The following ANO2 variants were observed in gnomAD, a reference collection of about 807,000 sequenced individuals.
The protein encoded by ANO2 is anoctamin 2.
A neutral mutation model predicts 124.2 loss-of-function variants in ANO2; 101 were observed. The observed-to-expected ratio is 0.81, with a 90% CI of 0.69 to 0.96. The LOEUF (loss-of-function observed/expected upper bound fraction) is 0.96, where lower values mean the gene tolerates loss of function less well. ANO2 is among the 40% of genes least tolerant of loss of function. The probability of loss-of-function intolerance (pLI) is 0.00; values close to 1 mark genes in which losing one functional copy is unlikely to be tolerated. For missense variants in ANO2, 1,293 were observed against 1,274.5 expected (o/e 1.01, Z -0.22); for synonymous variants, 486 against 482.5 (o/e 1.01, Z -0.09).
chr12:5,653,411 T>C (rs760792460), intron 14 of ANO2, among the ~76,000 whole-genome samples: 3 of 152,244 alleles, frequency 2.0e-5, no homozygotes, highest in Non-Finnish European at 4.4e-5. Flanking sequence ...TCATTCCGTC[T>C]CCACCTCTTT....
intron 11 of ANO2, among the ~76,000 whole-genome samples, chr12:5,749,965 C>T (rs1366347414): frequency 3.3e-5 from 5 of 150,454 alleles, no homozygotes; most frequent in East Asian, 1.9e-4. Context: ...CTTGCTCTTT[C>T]GCCCAGGCTA....
At chr12:5,570,938 T>A (rs58399805) in intron 23 of ANO2, among the ~76,000 whole-genome samples, 14,407 of 151,540 alleles carry the variant, frequency 0.095, 772 homozygotes, top group Middle Eastern at 0.15. Flanking sequence ...TTGATAAGAA[T>A]CAGGAAATGT....
chr12:5,676,045 A>G (rs1048703927), intron 14 of ANO2, among the ~76,000 whole-genome samples: 3 of 152,136 alleles, frequency 2.0e-5, no homozygotes, highest in African/African-American at 7.2e-5. Flanking sequence ...TCTGGGCACC[A>G]CTTTGTTCCC....
intron 4 of ANO2, among the ~76,000 whole-genome samples, chr12:5,835,316 T>C (rs1033475305): frequency 8.5e-5 from 13 of 152,064 alleles, no homozygotes; most frequent in African/African-American, 3.1e-4. Context: ...TCCATGAAAC[T>C]CAGTTGGGGC....
intron 4 of ANO2, among the ~76,000 whole-genome samples, chr12:5,843,630 C>A (rs963868460): frequency 6.6e-6 from 1 of 152,002 alleles, no homozygotes; most frequent in Non-Finnish European, 1.5e-5. Context: ...TCTGGATGTA[C>A]TGAACTATCA....
intron 10 of ANO2, among the ~76,000 whole-genome samples, chr12:5,762,939 G>A (rs568681896): frequency 6.6e-6 from 1 of 151,926 alleles, no homozygotes; most frequent in South Asian, 2.1e-4. Context: ...AGAAAACTGA[G>A]TCTTTTCAAT....
intron 3 of ANO2, among the ~76,000 whole-genome samples, chr12:5,915,395 T>G (rs1941321290): frequency 6.6e-6 from 1 of 152,152 alleles, no homozygotes; most frequent in Admixed American, 6.5e-5. Context: ...GGAAGGTATG[T>G]GCCAATTATC....
At position 5,908,444 on chromosome 12, in the gene ANO2, TC is replaced by T. The variant is rs202098516; in HGVS notation, c.534+12595del. Among the ~76,000 whole-genome samples, 1,725 of 152,216 alleles carry T rather than the reference TC, an allele frequency of 0.011. 34 individuals carry two copies. Among genetic ancestry groups the T allele is most frequent in the African/African-American group, 0.039 (1,632 of 41,530 alleles). ...AATACGAACACCAGCAGTCACCCTA[TC>T]CAAGCCGAGAGTCCGACTGCCCAGG... On this transcript the variant is annotated intron_variant, in intron 3 of 24. Transcript: ENST00000682330. This position sits in a 1 kb window ranked among gnomAD's most constrained non-coding sequence, Gnocchi z 4.7.
intron 16 of ANO2, among the ~76,000 whole-genome samples, chr12:5,619,864 G>T (rs916055825): frequency 2.0e-5 from 3 of 152,240 alleles, no homozygotes; most frequent in Admixed American, 6.5e-5. Context: ...GGGAAACTGG[G>T]ACAGGCAGGT....
intron 19 of ANO2, among the ~76,000 whole-genome samples, chr12:5,607,653 C>T (rs1228262634): frequency 6.6e-6 from 1 of 152,144 alleles, no homozygotes; most frequent in African/African-American, 2.4e-5. Flanking sequence ...TAGCCACTCT[C>T]CATCCTCATT....
At chr12:5,867,800 A>AAC (rs1955470321) in intron 3 of ANO2, among the ~76,000 whole-genome samples, 1 of 148,788 alleles carries the variant, frequency 6.7e-6, no homozygotes, top group African/African-American at 2.5e-5. Flanking sequence ...AAAAAAAAAA[A>AAC]CCAGTGGATT....
At chr12:5,610,151 T>A (rs1944427323) in intron 19 of ANO2, among the ~76,000 whole-genome samples, 1 of 131,128 alleles carries the variant, frequency 7.6e-6, no homozygotes, top group South Asian at 2.3e-4. Context: ...AATATATTTA[T>A]ATATACAAAT....
At chr12:5,603,921 G>T (rs1944075432) in intron 19 of ANO2, among the ~76,000 whole-genome samples, 1 of 127,632 alleles carries the variant, frequency 7.8e-6, no homozygotes, top group African/African-American at 2.9e-5. Context: ...GTCCGTCCTG[G>T]GTGAAAGAGC....
chr12:5,843,678 A>G (rs1323432112), intron 4 of ANO2, among the ~76,000 whole-genome samples: 1 of 152,170 alleles, frequency 6.6e-6, no homozygotes, highest in African/African-American at 2.4e-5. Flanking sequence ...GGTCAGGGTG[A>G]GGAGGGAACG....
intron 10 of ANO2, among the ~76,000 whole-genome samples, chr12:5,773,456 C>T (rs370381958): frequency 1.2e-4 from 19 of 152,160 alleles, no homozygotes; most frequent in Non-Finnish European, 2.5e-4. Context: ...AAGACAGAGC[C>T]GCAATTAGAA....
chr12:5,661,166 G>T (rs1162085032), intron 14 of ANO2, among the ~76,000 whole-genome samples: 2 of 152,036 alleles, frequency 1.3e-5, no homozygotes, highest in Admixed American at 1.3e-4. Context: ...CGTCTACAAC[G>T]GCCATCCTGC....
intron 16 of ANO2, among the ~76,000 whole-genome samples, chr12:5,617,579 G>A (rs1375360914): frequency 6.6e-6 from 1 of 151,098 alleles, no homozygotes; most frequent in Non-Finnish European, 1.5e-5. Context: ...AGACCACACT[G>A]TACCACACCC....
chr12:5,802,306 C>G (rs561173523), intron 9 of ANO2, among the ~76,000 whole-genome samples: 1 of 152,310 alleles, frequency 6.6e-6, no homozygotes, highest in African/African-American at 2.4e-5. Context: ...GCCAAGAGAA[C>G]TATCTGGGCT....
intron 14 of ANO2, among the ~76,000 whole-genome samples, chr12:5,683,637 G>A (rs1348939476): frequency 6.6e-6 from 1 of 152,112 alleles, no homozygotes; most frequent in Non-Finnish European, 1.5e-5. Context: ...AGAAAACAGA[G>A]TCGCCATACC....
Sources: allele counts gnomAD v4.1 joint callset (sites outside exome capture counted in the v4.1 genomes callset), GRCh38; gene constraint gnomAD v4.1.1; non-coding constraint Gnocchi (gnomAD v3.1); transcripts MANE v1.5; gene names NCBI Gene and HGNC (gene_info 2026-07-23, HGNC 2026-07-21).